NWD2: variants seen among roughly 807,000 people sequenced by gnomAD.
NWD2 encodes NACHT and WD repeat domain-containing protein 2.
NWD2 carries 37 observed loss-of-function variants against 132.7 expected under a neutral mutation model. That is an observed-to-expected ratio of 0.28 (90% CI 0.21 to 0.37). The LOEUF (loss-of-function observed/expected upper bound fraction) is 0.37, where lower values mean the gene tolerates loss of function less well. Ranked by LOEUF, NWD2 falls within the 10% of genes least tolerant of loss-of-function variation. The pLI, the probability that NWD2 is intolerant of heterozygous loss-of-function variation, is 1.00. For synonymous variants in NWD2, 705 were observed against 803.0 expected (o/e 0.88, Z 2.06); for missense variants, 1,592 against 2,122.4 (o/e 0.75, Z 4.91).
At chr4:37,356,524 G>T in intron 3 of NWD2, 42 bp downstream of exon 3, 8 of 1,218,618 alleles carry the variant, frequency 6.6e-6, no homozygotes, top group Non-Finnish European at 9.4e-6. Flanking sequence ...ACTTTTAGAT[G>T]AATGTGAGAA....
intron 3 of NWD2, among the ~76,000 whole-genome samples, chr4:37,420,987 AAC>A (rs1335298936): frequency 6.6e-6 from 1 of 152,256 alleles, no homozygotes; most frequent in East Asian, 1.9e-4. Context: ...CCACTTGAAT[AAC>A]ACAGACATTT....
chr4:37,396,221 G>T (rs1461402167), intron 3 of NWD2, among the ~76,000 whole-genome samples: 2 of 152,134 alleles, frequency 1.3e-5, no homozygotes, highest in African/African-American at 4.8e-5. Flanking sequence ...TGACACAAAT[G>T]ATATTATCCG....
At chr4:37,273,549 A>G (rs993146354) in intron 1 of NWD2, among the ~76,000 whole-genome samples, 8 of 152,270 alleles carry the variant, frequency 5.3e-5, no homozygotes, top group Non-Finnish European at 1.2e-4. Flanking sequence ...AAGGATATCC[A>G]GGAATTAAAC....
rs1053572849 is a variant in NWD2 at position 37,355,590 on chromosome 4, A to G, written c.241-776A>G. ...AGGAAAAGAAGAAATTTTCAAAGCT[A>G]CAACTGGGAACATTTACTTTATGCA... On this transcript the variant is annotated intron_variant, in intron 2 of 6. Coordinates refer to ENST00000309447, the MANE Select transcript of NWD2 (RefSeq NM_001144990.2). Among the ~76,000 whole-genome samples, 4 of 152,334 alleles carry G rather than the reference A, an allele frequency of 2.6e-5. No homozygotes were observed. In the South Asian group the frequency reaches 8.3e-4, roughly 32 times the overall value.
chr4:37,445,591 A>G lies in NWD2; in HGVS notation c.3603A>G (p.Gln1201=), dbSNP rs980347294. 20 of 1,552,140 alleles carry G rather than the reference A, an allele frequency of 1.3e-5. No individual in the cohort carries two copies. The Admixed American group carries it at 2.4e-4, about 18-fold the overall frequency. ...EVVSIELSED[Q]SAVLICKALS... ...TCAGCATTGAGCTTTCAGAAGACCAAAGTGCAGTTCTGATCTGTAAAGCCC... is the reference window on the plus strand; with the variant it reads ...TCAGCATTGAGCTTTCAGAAGACCAGAGTGCAGTTCTGATCTGTAAAGCCC... Residue 1201 remains glutamine (Q), a synonymous_variant, in exon 7 of 7, where the codon CAA becomes CAG. Transcript: ENST00000309447. The surrounding 1 kb of genome is among the most constrained non-coding windows in gnomAD (Gnocchi z 4.7).
At chr4:37,338,599 T>C (rs1413577731) in intron 2 of NWD2, among the ~76,000 whole-genome samples, 1 of 152,226 alleles carries the variant, frequency 6.6e-6, no homozygotes, top group East Asian at 1.9e-4. Context: ...ATAAAGAAAC[T>C]AGAAATCTTT....
intron 3 of NWD2, among the ~76,000 whole-genome samples, chr4:37,412,117 A>T (rs1031648508): frequency 6.6e-6 from 1 of 152,200 alleles, no homozygotes; most frequent in African/African-American, 2.4e-5. Flanking sequence ...TCAACATAGT[A>T]TTGGAAGTTC....
intron 1 of NWD2, 64 bp downstream of exon 1, chr4:37,245,282 A>G (rs1010439491): frequency 3.4e-6 from 5 of 1,465,764 alleles, no homozygotes; most frequent in African/African-American, 1.4e-5. Flanking sequence ...GGAGCTGGAG[A>G]GTGTGTGTCC....
intron 3 of NWD2, among the ~76,000 whole-genome samples, chr4:37,417,025 C>T (rs1321314142): frequency 6.6e-6 from 1 of 152,092 alleles, no homozygotes; most frequent in African/African-American, 2.4e-5. Flanking sequence ...GTTCAGGAAT[C>T]TCAGAAATCA....
chr4:37,438,727 T>C, intron 5 of NWD2, 74 bp from the exon 6 acceptor site: 1 of 929,700 alleles, frequency 1.1e-6, no homozygotes, highest in Non-Finnish European at 1.6e-6. Flanking sequence ...AATGACTAAG[T>C]GTTGACTATT....
chr4:37,360,383 G>T (rs946907308), intron 3 of NWD2, among the ~76,000 whole-genome samples: 5 of 151,982 alleles, frequency 3.3e-5, no homozygotes, highest in Non-Finnish European at 7.4e-5. Context: ...AAGTATCAAG[G>T]CTTCATTCAG....
chr4:37,323,457 C>T (rs1719109042), intron 1 of NWD2, among the ~76,000 whole-genome samples: 1 of 152,152 alleles, frequency 6.6e-6, no homozygotes. Flanking sequence ...CATCACTAAT[C>T]ATCAGAGAAA....
rs1014483936 is a variant in NWD2, at chr4:37,350,639, T to C, written c.241-5727T>C. Among the ~76,000 whole-genome samples the C allele has an allele frequency of 2.0e-5, 3 of 152,286 alleles. No homozygotes were observed. The South Asian group carries it at 6.2e-4, about 32-fold the overall frequency. ...TTATGTCATCTGCAAACAGAGACAATTGGACCTCCTCTCTTCTTATCTGAA... is the reference window on the plus strand; with the variant it reads ...TTATGTCATCTGCAAACAGAGACAACTGGACCTCCTCTCTTCTTATCTGAA... On this transcript the variant is annotated intron_variant, in intron 2 of 6. Coordinates refer to ENST00000309447, the MANE Select transcript of NWD2 (RefSeq NM_001144990.2).
At chr4:37,353,822 C>T (rs1421998413) in intron 2 of NWD2, among the ~76,000 whole-genome samples, 1 of 151,882 alleles carries the variant, frequency 6.6e-6, no homozygotes, top group Non-Finnish European at 1.5e-5. Context: ...TTTGTTATTA[C>T]CCATCTTCCG....
intron 1 of NWD2, among the ~76,000 whole-genome samples, chr4:37,289,754 G>A (rs1190869294): frequency 6.6e-6 from 1 of 152,118 alleles, no homozygotes; most frequent in Non-Finnish European, 1.5e-5. Flanking sequence ...AGCTAAATAT[G>A]GAACATTTTT....
intron 1 of NWD2, among the ~76,000 whole-genome samples, chr4:37,257,074 C>A (rs1408117351): frequency 1.3e-5 from 2 of 152,106 alleles, no homozygotes; most frequent in African/African-American, 2.4e-5. Flanking sequence ...ATTTTTAGAA[C>A]CTCACTGCCC....
intron 3 of NWD2, among the ~76,000 whole-genome samples, chr4:37,390,667 A>T (rs1279606841): frequency 6.6e-6 from 1 of 152,200 alleles, no homozygotes; most frequent in African/African-American, 2.4e-5. Context: ...ATCAAAAATT[A>T]GAGCCAGGAA....
chr4:37,300,025 T>A (rs1718581272), intron 1 of NWD2, among the ~76,000 whole-genome samples: 1 of 152,102 alleles, frequency 6.6e-6, no homozygotes, highest in East Asian at 1.9e-4. Flanking sequence ...GCCTTCCCGC[T>A]TTGTTCATGC....
chr4:37,394,638 C>A (rs1165662840), intron 3 of NWD2, among the ~76,000 whole-genome samples: 2 of 152,046 alleles, frequency 1.3e-5, no homozygotes, highest in Non-Finnish European at 2.9e-5. Flanking sequence ...ATTTATCTTA[C>A]CTGAAAGCTA....
Sources: allele counts gnomAD v4.1 joint callset (sites outside exome capture counted in the v4.1 genomes callset), GRCh38; gene constraint gnomAD v4.1.1; non-coding constraint Gnocchi (gnomAD v3.1); transcripts MANE v1.5; gene names NCBI Gene and HGNC (gene_info 2026-07-23, HGNC 2026-07-21).